PPFIA2: variants seen among roughly 807,000 people sequenced by gnomAD.
The protein encoded by PPFIA2 is liprin-alpha-2.
A neutral mutation model predicts 175.5 loss-of-function variants in PPFIA2; 46 were observed. The ratio of observed to expected loss-of-function variants is 0.26; its 90% CI spans 0.21 to 0.34. The LOEUF is 0.34. PPFIA2 is among the 10% of genes least tolerant of loss of function. PPFIA2 has a pLI of 1.00. For synonymous variants in PPFIA2, 568 were observed against 511.4 expected (o/e 1.11, Z -1.49); for missense variants, 1,179 against 1,506.1 (o/e 0.78, Z 3.60).
At chr12:81,666,768 TA>T (rs1054874198) in intron 4 of PPFIA2, among the ~76,000 whole-genome samples, 8 of 151,132 alleles carry the variant, frequency 5.3e-5, no homozygotes, top group South Asian at 2.1e-4. Flanking sequence ...TAATAAAAAA[TA>T]AAAAAAAGAA....
chr12:81,471,953 C>A (rs1001290167), intron 4 of PPFIA2, among the ~76,000 whole-genome samples: 1 of 152,028 alleles, frequency 6.6e-6, no homozygotes, highest in Non-Finnish European at 1.5e-5. Context: ...TCCAACCTCA[C>A]AAAATTGTAT....
intron 4 of PPFIA2, among the ~76,000 whole-genome samples, chr12:81,654,979 A>AT (rs1464321602): frequency 6.6e-6 from 1 of 151,602 alleles, no homozygotes; most frequent in East Asian, 1.9e-4. Flanking sequence ...TTAATTGAAG[A>AT]TTTTTTCTTT....
Position 81,445,668 on chromosome 12 carries a change from C to G in PPFIA2, c.458G>C (p.Arg153Thr). Reference sequence around the variant, plus strand: ...GGCTTGCCGTTTTACCACCGTCATTCTTAGTGATCTTTCATGTCGTGACAC... The same window carrying G: ...GGCTTGCCGTTTTACCACCGTCATTGTTAGTGATCTTTCATGTCGTGACAC... ...CLVSRHERSL[R>T]MTVVKRQAQS... Residue 153 changes from arginine (R) to threonine (T), a missense_variant, in exon 6 of 33, where the codon AGA becomes ACA. Arg to Thr is a moderately conservative substitution (Grantham distance 71, BLOSUM62 -1). Coordinates refer to ENST00000549396, the MANE Select transcript of PPFIA2 (RefSeq NM_003625.5). The G allele has an allele frequency of 6.2e-7, 1 of 1,613,930 alleles. No individual in the cohort carries two copies. Among genetic ancestry groups the G allele is most frequent in the Non-Finnish European group, 8.5e-7 (1 of 1,179,858 alleles).
intron 4 of PPFIA2, among the ~76,000 whole-genome samples, chr12:81,591,143 G>GTGAGAGCAAAGT (rs1363515547): frequency 6.6e-6 from 1 of 152,086 alleles, no homozygotes; most frequent in Non-Finnish European, 1.5e-5. Context: ...TGGAGCAAAG[G>GTGAGAGCAAAGT]TGACCCTTGT....
intron 9 of PPFIA2, 67 bp downstream of exon 9, chr12:81,383,956 T>C (rs1269436954): frequency 4.7e-6 from 6 of 1,289,554 alleles, no homozygotes; most frequent in Non-Finnish European, 6.6e-6. Context: ...TTACGGGAAA[T>C]TATGGAAACA....
At chr12:81,287,937 A>G (rs575443387) in intron 24 of PPFIA2, among the ~76,000 whole-genome samples, 1 of 151,906 alleles carries the variant, frequency 6.6e-6, no homozygotes, top group African/African-American at 2.4e-5. Context: ...AAAATTATCT[A>G]CTCACTGCCC....
chr12:81,346,904 G>A lies in PPFIA2; in HGVS notation c.2232+629C>T, dbSNP rs145195294. ...AATAAAAATGTACTTAATGGTTTAA[G>A]TCATTCAATTTTTAAAAAAAAATTA... On this transcript the variant is annotated intron_variant, in intron 18 of 32. Transcript: ENST00000549396. Among the ~76,000 whole-genome samples, 232 of 151,784 alleles carry A rather than the reference G, an allele frequency of 1.5e-3. 4 individuals are homozygous for A. In the East Asian group the frequency reaches 0.028, roughly 18 times the overall value.
Position 81,399,760 on chromosome 12 carries a change from T to C in PPFIA2, c.762+6027A>G, listed in dbSNP as rs17008487. 2.9e-3 allele frequency among the ~76,000 whole-genome samples: 445 copies of C among 152,152 alleles called. 6 individuals carry two copies. The highest frequency in any genetic ancestry group is 1.0e-2 in the African/African-American group (415 of 41,530). On this transcript the variant is annotated intron_variant, in intron 8 of 32. Transcript: ENST00000549396. ...GGTGTTTCACTGCTTGACAATTCAA[T>C]TGAAGAATAAAGGAGAAACATTCAA...
chr12:81,392,965 A>G (rs2040425266), intron 8 of PPFIA2, among the ~76,000 whole-genome samples: 2 of 151,866 alleles, frequency 1.3e-5, no homozygotes, highest in East Asian at 1.9e-4. Context: ...CACTGTCATG[A>G]CCTCCACCAT....
chr12:81,670,807 A>G (rs2071258425), intron 4 of PPFIA2, among the ~76,000 whole-genome samples: 1 of 151,948 alleles, frequency 6.6e-6, no homozygotes, highest in African/African-American at 2.4e-5. Context: ...CCCTCTTGCC[A>G]TCCTCTCTTT....
At chr12:81,641,247 C>A (rs1365912538) in intron 4 of PPFIA2, among the ~76,000 whole-genome samples, 1 of 152,108 alleles carries the variant, frequency 6.6e-6, no homozygotes, top group East Asian at 1.9e-4. Flanking sequence ...TTAACTAAGT[C>A]ACCTAGTTAA....
At chr12:81,341,418 A>G (rs1199854736) in intron 19 of PPFIA2, among the ~76,000 whole-genome samples, 3 of 147,224 alleles carry the variant, frequency 2.0e-5, no homozygotes, top group African/African-American at 7.6e-5. Flanking sequence ...AAAATTAAAA[A>G]AAAATCATAG....
intron 7 of PPFIA2, among the ~76,000 whole-genome samples, chr12:81,438,399 C>G (rs1482413381): frequency 5.3e-5 from 8 of 152,038 alleles, no homozygotes; most frequent in Non-Finnish European, 1.0e-4. Context: ...ACCCAGCAGG[C>G]AGAGAGAGGT....
chr12:81,535,975 C>T (rs1193707882), intron 4 of PPFIA2, among the ~76,000 whole-genome samples: 2 of 151,716 alleles, frequency 1.3e-5, no homozygotes, highest in Non-Finnish European at 2.9e-5. Context: ...TTAGCCACTT[C>T]ATTAAATCAG....
At chr12:81,338,661 C>T (rs1343686490) in intron 21 of PPFIA2, among the ~76,000 whole-genome samples, 1 of 151,838 alleles carries the variant, frequency 6.6e-6, no homozygotes, top group African/African-American at 2.4e-5. Flanking sequence ...TTTATTCTAA[C>T]TTTTTAAAAA....
At chr12:81,642,629 ATATC>A (rs1477695080) in intron 4 of PPFIA2, among the ~76,000 whole-genome samples, 1 of 19,146 alleles carries the variant, frequency 5.2e-5, no homozygotes, top group African/African-American at 1.6e-4. Context: ...TAGATACTAT[ATATC>A]TATTATATAC....
Position 81,457,857 on chromosome 12 carries a change from C to G in PPFIA2, c.313G>C (p.Ala105Pro). The G allele has an allele frequency of 1.9e-6, 3 of 1,578,560 alleles. No individual in the cohort carries two copies. The highest frequency in any genetic ancestry group is 2.6e-6 in the Non-Finnish European group (3 of 1,164,068). ...CAGGCATTTAATTCTTTTGTCAGTG[C>G]AGCAAATTCCTGGAAAAGTAATAAA... ...SKGADPPEFA[A>P]LTKELNACRE... The change falls in exon 5 of 33, where the codon GCA (alanine) becomes CCA (proline). Residue 105 changes from alanine to proline, a missense_variant. Physicochemically the swap from Ala to Pro is conservative, Grantham distance 27. Transcript: ENST00000549396.
chr12:81,598,793 C>T (rs1266647533), intron 4 of PPFIA2, among the ~76,000 whole-genome samples: 2 of 151,900 alleles, frequency 1.3e-5, no homozygotes, highest in Non-Finnish European at 2.9e-5. Flanking sequence ...AAATATTTTC[C>T]ACTTTTCTGA....
At chr12:81,308,956 T>C (rs762824437) in intron 22 of PPFIA2, among the ~76,000 whole-genome samples, 2 of 152,180 alleles carry the variant, frequency 1.3e-5, no homozygotes, top group Non-Finnish European at 2.9e-5. Flanking sequence ...ACATAAGAAG[T>C]ACTTACTGAT....
Sources: gnomAD v4.1 joint callset for allele counts (sites outside exome capture counted in the v4.1 genomes callset) on GRCh38, gnomAD v4.1.1 for gene constraint, MANE v1.5 for transcripts, NCBI Gene and HGNC (gene_info 2026-07-23, HGNC 2026-07-21) for gene names.